The following RIMBP2 variants were observed in gnomAD, a reference collection of about 807,000 sequenced individuals.
RIMBP2 encodes RIMS-binding protein 2.
Under a neutral mutation model 118.6 loss-of-function variants are expected in RIMBP2, and 48 were observed. The ratio of observed to expected loss-of-function variants is 0.40; its 90% confidence interval spans 0.32 to 0.51. The LOEUF (loss-of-function observed/expected upper bound fraction) is 0.51. Ranked by LOEUF, RIMBP2 falls within the 20% of genes least tolerant of loss-of-function variation. The probability of loss-of-function intolerance (pLI) is 0.41; values close to 1 mark genes in which losing one functional copy is unlikely to be tolerated. For missense variants in RIMBP2, 1,551 were observed against 1,768.3 expected (o/e 0.88, Z 2.20); for synonymous variants, 762 against 742.9 (o/e 1.03, Z -0.42).
chr12:130,609,496 G>A lies in RIMBP2; in HGVS notation c.-217+18826C>T, dbSNP rs1281770757. ...TGGGGGACCTTCTCTGGTGAGGTCG[G>A]GGGTCAGGAAATGTTGGGCCTGGGT... is the stretch of plus-strand genomic sequence containing the variant. On this transcript the variant is annotated intron_variant, in intron 2 of 22. Coordinates refer to ENST00000690449, the MANE Select transcript of RIMBP2 (RefSeq NM_001393629.1). Among the ~76,000 whole-genome samples, 4 of 150,236 alleles carry A rather than the reference G, an allele frequency of 2.7e-5. 1 individual carries two copies. The highest frequency in any genetic ancestry group is 9.8e-5 in the African/African-American group (4 of 40,742).
intron 2 of RIMBP2, among the ~76,000 whole-genome samples, chr12:130,587,842 A>AT (rs1566316362): frequency 1.0e-4 from 15 of 145,956 alleles, no homozygotes; most frequent in African/African-American, 3.4e-4. Context: ...AAAAAAAAAA[A>AT]GAAAAAAAAA....
chr12:130,424,110 G>C lies in RIMBP2; in HGVS notation c.3129+32C>G. On this transcript the variant is annotated intron_variant, in intron 16 of 22. Transcript: ENST00000690449. This position sits in a 1 kb window ranked among gnomAD's most constrained non-coding sequence, Gnocchi z 9.8. ...AGGATGGGACAGATTGGTTTGGCAA[G>C]CGGCTGTGAAAAGGAAGTTTAGGTC... The C allele has an allele frequency of 1.7e-6, 2 of 1,147,760 alleles. No homozygotes were observed. The highest frequency in any genetic ancestry group is 2.2e-6 in the Non-Finnish European group (2 of 910,978). 71.1% of individuals were successfully genotyped at this position (1,147,760 alleles called of 1,614,324 possible). A position where few individuals can be genotyped will look rare whatever the true frequency, so the allele number is the denominator to read the frequency against.
chr12:130,700,621 C>T (rs1203445771), intron 1 of RIMBP2, among the ~76,000 whole-genome samples: 1 of 152,216 alleles, frequency 6.6e-6, no homozygotes, highest in African/African-American at 2.4e-5. Context: ...CACCTGGAGC[C>T]ACTGGAAACT....
chr12:130,564,803 T>C (rs2057097324), intron 2 of RIMBP2, among the ~76,000 whole-genome samples: 1 of 152,172 alleles, frequency 6.6e-6, no homozygotes, highest in Non-Finnish European at 1.5e-5. Flanking sequence ...GAGATCTGCT[T>C]TGCAACCCTG....
chr12:130,580,384 T>C (rs2058387668), intron 2 of RIMBP2, among the ~76,000 whole-genome samples: 1 of 152,104 alleles, frequency 6.6e-6, no homozygotes, highest in Non-Finnish European at 1.5e-5. Flanking sequence ...CTCATGGTTT[T>C]ATGAAAGGGC....
In RIMBP2 at chr12:130,451,189, A is replaced by G. The variant is rs1593347294; in HGVS notation, c.504+6T>C. The G allele has an allele frequency of 6.2e-7, 1 of 1,613,010 alleles. No individual in the cohort carries two copies. The highest frequency in any genetic ancestry group is 1.1e-5 in the South Asian group (1 of 91,038). On this transcript the variant is annotated splice_donor_region_variant and intron_variant, in intron 8 of 22. Coordinates refer to ENST00000690449, the MANE Select transcript of RIMBP2 (RefSeq NM_001393629.1). ...GCCCCGGCAGCCCCTGCGGGACGGG[A>G]CTCACGTCTGACTCAGATCTGCATC...
chr12:130,650,957 TTA>T (rs1491408915), intron 1 of RIMBP2, among the ~76,000 whole-genome samples: 1 of 130,426 alleles, frequency 7.7e-6, no homozygotes, highest in African/African-American at 3.0e-5. Context: ...CTTGTTTTTT[TTA>T]AAAAAAAAAA....
At chr12:130,547,597 C>G (rs574094060) in intron 2 of RIMBP2, among the ~76,000 whole-genome samples, 2 of 152,214 alleles carry the variant, frequency 1.3e-5, no homozygotes, top group Non-Finnish European at 2.9e-5. Context: ...CAACAGGGTA[C>G]AGAGATTACA....
At chr12:130,715,754 T>TA (rs1950281440) in intron 1 of RIMBP2, among the ~76,000 whole-genome samples, 1 of 31,478 alleles carries the variant, frequency 3.2e-5, no homozygotes, top group Non-Finnish European at 1.2e-4. Context: ...CCACGTCCCC[T>TA]TCCCCCCCTC....
rs560929985 is a variant in RIMBP2, at chr12:130,703,293, G to A, written c.-352+12929C>T. 6.6e-6 allele frequency among the ~76,000 whole-genome samples: 1 copy of A among 152,212 alleles called. No homozygotes were observed. The highest frequency in any genetic ancestry group is 1.9e-4 in the East Asian group (1 of 5,174). On this transcript the variant is annotated intron_variant, in intron 1 of 22. Transcript: ENST00000690449. The surrounding 1 kb of genome is among the most constrained non-coding windows in gnomAD (Gnocchi z 5.7). ...CCAGGCGGGCTCCCCCTCCGCCCTG[G>A]ACATTTTCAGTTTCCTGCACTTATT...
At chr12:130,634,096 G>A (rs781431069) in intron 1 of RIMBP2, among the ~76,000 whole-genome samples, 13 of 152,190 alleles carry the variant, frequency 8.5e-5, no homozygotes, top group Non-Finnish European at 1.5e-4. Context: ...AGAGCCACTG[G>A]GAACCTGTCC....
At chr12:130,452,172 C>A (rs77617780) in intron 7 of RIMBP2, among the ~76,000 whole-genome samples, 2,025 of 152,310 alleles carry the variant, frequency 0.013, 42 homozygotes, top group African/African-American at 0.046. Flanking sequence ...AATGATGACA[C>A]CCCCTCCCTG....
Position 130,441,836 on chromosome 12 carries a change from C to A in RIMBP2, c.1504+12G>T. 1 of 1,610,966 alleles carries A rather than the reference C, an allele frequency of 6.2e-7. No individual in the cohort carries two copies. Among genetic ancestry groups the A allele is most frequent in the Non-Finnish European group, 8.5e-7 (1 of 1,178,330 alleles). ...TCTCCCTGGGGGACCCACGGAAGGA[C>A]ACAGGGCTCACCTGCAGGCAACGTG... is the stretch of plus-strand genomic sequence containing the variant. On this transcript the variant is annotated intron_variant, in intron 11 of 22. Transcript: ENST00000690449.
At chr12:130,646,613 C>G (rs1417710917) in intron 1 of RIMBP2, among the ~76,000 whole-genome samples, 1 of 152,194 alleles carries the variant, frequency 6.6e-6, no homozygotes, top group Non-Finnish European at 1.5e-5. Context: ...AGAAGAATGA[C>G]AACCAATCTT....
In RIMBP2 at chr12:130,623,739, C is replaced by A. The variant is rs989986731; in HGVS notation, c.-217+4583G>T. ...ACCCAAGCCTGACCTACATGCAGGG[C>A]AAGCAAGACATGCTGGAGCCTCCAT... On this transcript the variant is annotated intron_variant, in intron 2 of 22. Transcript: ENST00000690449. The surrounding 1 kb of genome is among the most constrained non-coding windows in gnomAD (Gnocchi z 4.1). 1.3e-4 allele frequency among the ~76,000 whole-genome samples: 20 copies of A among 152,160 alleles called. No homozygotes were observed. The highest frequency in any genetic ancestry group is 4.8e-4 in the African/African-American group (20 of 41,420).
intron 14 of RIMBP2, among the ~76,000 whole-genome samples, chr12:130,433,143 G>C (rs536913919): frequency 6.6e-6 from 1 of 152,128 alleles, no homozygotes; most frequent in African/African-American, 2.4e-5. Flanking sequence ...GCAGAGGACC[G>C]GCCTTACACA....
At chr12:130,534,876 G>A (rs2053849540) in intron 2 of RIMBP2, among the ~76,000 whole-genome samples, 1 of 152,310 alleles carries the variant, frequency 6.6e-6, no homozygotes, top group South Asian at 2.1e-4. Context: ...TCTAGGAAAC[G>A]GTCTATCACT....
intron 17 of RIMBP2, among the ~76,000 whole-genome samples, chr12:130,416,451 C>T (rs7297001): frequency 0.7 from 106,892 of 151,996 alleles, 37,823 homozygotes; most frequent in South Asian, 0.87. Context: ...TTTGACAAAG[C>T]TGAGAAAAAT....
intron 1 of RIMBP2, among the ~76,000 whole-genome samples, chr12:130,650,962 A>T (rs1293110904): frequency 2.7e-5 from 4 of 147,432 alleles, no homozygotes; most frequent in Non-Finnish European, 3.0e-5. Context: ...TTTTTTTAAA[A>T]AAAAAAAAAA....
Sources: gnomAD v4.1 joint callset for allele counts (sites outside exome capture counted in the v4.1 genomes callset) on GRCh38, gnomAD v4.1.1 for gene constraint, Gnocchi (gnomAD v3.1) non-coding constraint, MANE v1.5 for transcripts, NCBI Gene and HGNC (gene_info 2026-07-23, HGNC 2026-07-21) for gene names.